The following CLU variants were observed in gnomAD, a reference collection of about 807,000 sequenced individuals.
CLU encodes clusterin, also known as aging-associated protein 4.
A neutral mutation model predicts 46.4 loss-of-function variants in CLU; 25 were observed. The ratio of observed to expected loss-of-function variants is 0.54; its 90% CI spans 0.39 to 0.75. The LOEUF is 0.75. Among genes scored for constraint, CLU ranks in the 30% least tolerant of loss-of-function variants. CLU has a pLI of 0.00. For missense variants in CLU, 504 were observed against 592.1 expected, an observed-to-expected ratio of 0.85 and a Z score of 1.54; for synonymous variants, 235 against 235.1, an observed-to-expected ratio of 1.00 and a Z score of 0.00.
At chr8:27,604,200 T>G in intron 6 of CLU, 91 bp downstream of exon 6, 1 of 1,002,142 alleles carries the variant, frequency 1.0e-6, no homozygotes. Context: ...CTTATCTGTC[T>G]GACTCCATAA....
At chr8:27,612,059 C>T (rs1800939588) in intron 1 of CLU, 3 of 330,686 alleles carry the variant, frequency 9.1e-6, no homozygotes, top group South Asian at 2.6e-5. Context: ...AGGCAAGATA[C>T]AGGAAAGGAA....
Position 27,597,471 on chromosome 8 carries a change from C to T in CLU, c.*770G>A, listed in dbSNP as rs1238744484. On this transcript the variant is annotated 3_prime_UTR_variant, in exon 9 of 9. Coordinates refer to ENST00000316403, the MANE Select transcript of CLU (RefSeq NM_001831.4). ...CAGTCAAGAAGATGCCCCTGGGATG[C>T]TGAGCTCTTACAACTCGAAATCAAC... 1 of 454,368 alleles carries T rather than the reference C, an allele frequency of 2.2e-6. No homozygotes were observed. The highest frequency in any genetic ancestry group is 1.6e-5 in the South Asian group (1 of 64,478). The allele number at this position is 454,368 out of a possible 1,614,324, so 28.1% of individuals were successfully genotyped here.
intron 4 of CLU, among the ~76,000 whole-genome samples, 155 bp downstream of exon 4, chr8:27,606,199 T>C (rs778857709): frequency 6.6e-6 from 1 of 152,212 alleles, no homozygotes; most frequent in Non-Finnish European, 1.5e-5. Flanking sequence ...CTCCACTCTC[T>C]CTACTCATGC....
Position 27,599,511 on chromosome 8 carries a change from G to A in CLU, c.1164+269C>T. ...ACAACAACAACAAAATACAGGCTTG[G>A]CAGCCAGGCAGTCAGGTTCAAATAC... is the stretch of plus-strand genomic sequence containing the variant. On this transcript the variant is annotated intron_variant, in intron 7 of 8. Transcript: ENST00000316403. The surrounding 1 kb of genome is among the most constrained non-coding windows in gnomAD (Gnocchi z 4.0). 2.0e-6 allele frequency: 1 copy of A among 488,758 alleles called. No individual in the cohort carries two copies. Among genetic ancestry groups the A allele is most frequent in the Non-Finnish European group, 3.7e-6 (1 of 268,668 alleles). 30.3% of individuals were successfully genotyped at this position (488,758 alleles called of 1,614,324 possible).
At chr8:27,614,257 C>T (rs1800976087) in intron 1 of CLU, 2 of 157,424 alleles carry the variant, frequency 1.3e-5, no homozygotes, top group African/African-American at 4.8e-5. Context: ...ACTGAGAGAT[C>T]CGCATCTTCG....
At chr8:27,609,918 A>C (rs566083325) in intron 2 of CLU, among the ~76,000 whole-genome samples, 2 of 152,286 alleles carry the variant, frequency 1.3e-5, no homozygotes, top group East Asian at 3.9e-4. Flanking sequence ...ACATCACGTC[A>C]TATACCTTAA....
intron 2 of CLU, among the ~76,000 whole-genome samples, chr8:27,609,823 A>G (rs1262245961): frequency 6.6e-6 from 1 of 152,248 alleles, no homozygotes; most frequent in African/African-American, 2.4e-5. Context: ...TCATAACTGG[A>G]AATTTGCTAA....
chr8:27,599,970 C>T lies in CLU; in HGVS notation c.974G>A (p.Arg325Gln), dbSNP rs143708004. 2.2e-5 allele frequency: 36 copies of T among 1,614,062 alleles called. No individual in the cohort carries two copies. The highest frequency in any genetic ancestry group is 2.2e-5 in the East Asian group (1 of 44,892). Residue 325 changes from arginine (R) to glutamine (Q), a missense_variant, in exon 7 of 9, where the codon CGG becomes CAG. Arg to Gln is a conservative substitution (Grantham distance 43). Transcript: ENST00000316403. The surrounding 1 kb of genome is among the most constrained non-coding windows in gnomAD (Gnocchi z 4.0). ...GACCTGGAGGGATTCGTCGAGCTCC[C>T]GCCGCAGCTTAGCCTGGGAGGGGTT... ...TNNPSQAKLRRELDESLQVAE... is the reference protein window; with the variant it reads ...TNNPSQAKLRQELDESLQVAE...
chr8:27,599,605 G>A lies in CLU; in HGVS notation c.1164+175C>T. ...GGAACCTCTCTTACTTTGCTCCTTTGTAAAGCAGGGTTATATTTTCCCTGA... is the reference window on the plus strand; with the variant it reads ...GGAACCTCTCTTACTTTGCTCCTTTATAAAGCAGGGTTATATTTTCCCTGA... On this transcript the variant is annotated intron_variant, in intron 7 of 8. Coordinates refer to ENST00000316403, the MANE Select transcript of CLU (RefSeq NM_001831.4). The surrounding 1 kb of genome is among the most constrained non-coding windows in gnomAD (Gnocchi z 4.0). 2 of 611,830 alleles carry A rather than the reference G, an allele frequency of 3.3e-6. No individual in the cohort carries two copies. The highest frequency in any genetic ancestry group is 1.9e-5 in the South Asian group (1 of 52,166). The allele number at this position is 611,830 out of a possible 1,614,324, so 37.9% of individuals were successfully genotyped here.
rs1390112562 is a variant in CLU at position 27,609,062 on chromosome 8, T to C, written c.122A>G (p.Tyr41Cys). 6.2e-7 allele frequency: 1 copy of C among 1,614,134 alleles called. No individual in the cohort carries two copies. Among genetic ancestry groups the C allele is most frequent in the Admixed American group, 1.7e-5 (1 of 60,036 alleles). ...AGCATTTTGAATTTCCTTATTGACG[T>C]ACTTACTTCCCTGATTGGACATTTC... Reference protein sequence around the residue: ...LQEMSNQGSKYVNKEIQNAVN... With the variant: ...LQEMSNQGSKCVNKEIQNAVN... The change falls in exon 3 of 9, where the codon TAC (tyrosine) becomes TGC (cysteine). Residue 41 changes from tyrosine to cysteine, a missense_variant. Physicochemically the swap from Tyr to Cys is radical, Grantham distance 194. Around this residue, in one of 3 missense-constraint regions of CLU, gnomAD observed 73 missense variants for 91.2 expected, o/e 0.80. Coordinates refer to ENST00000316403, the MANE Select transcript of CLU (RefSeq NM_001831.4).
In CLU at chr8:27,604,773, C is replaced by T. The variant is rs542755585; in HGVS notation, c.829+151G>A. 7.9e-4 allele frequency: 755 copies of T among 950,246 alleles called. 1 individual carries two copies. Among genetic ancestry groups the T allele is most frequent in the Non-Finnish European group, 8.3e-4 (517 of 620,168 alleles). 58.9% of individuals were successfully genotyped at this position (950,246 alleles called of 1,614,324 possible). On this transcript the variant is annotated intron_variant, in intron 5 of 8. Transcript: ENST00000316403. The stretch of plus-strand genomic sequence containing the variant: ...GCATCACAGGCATGAGCCACCATGC[C>T]CAGCTCAGTTTTTTTCCTCTTTAAA...
Position 27,604,824 on chromosome 8 carries a change from T to C in CLU, c.829+100A>G, listed in dbSNP as rs530790235. ...TAAGGATAATATCACCCTTGTGATA[T>C]TGCTGGAGAAAAATCGAGATGACAC... On this transcript the variant is annotated intron_variant, in intron 5 of 8. Transcript: ENST00000316403. 116 of 1,345,288 alleles carry C rather than the reference T, an allele frequency of 8.6e-5. 1 individual carries two copies. The East Asian group carries it at 2.5e-3, about 29-fold the overall frequency. The allele number at this position is 1,345,288 out of a possible 1,614,324, so 83.3% of individuals were successfully genotyped here.
At chr8:27,608,850 G>T in intron 3 of CLU, 88 bp downstream of exon 3, 4 of 1,459,386 alleles carry the variant, frequency 2.7e-6, no homozygotes, top group Non-Finnish European at 2.9e-6. Context: ...GGTCACCATG[G>T]CAACCCAGCA....
At position 27,605,026 on chromosome 8, in the gene CLU, T is replaced by C. The variant is rs1375980805; in HGVS notation, c.727A>G (p.Met243Val). 13 of 1,613,978 alleles carry C rather than the reference T, an allele frequency of 8.1e-6. 1 individual carries two copies. In the South Asian group the frequency reaches 1.4e-4, roughly 18 times the overall value. ...ATCATCTCAAGGAAGGGCTGGAACA[T>C]GGCGTGGAAGTTCAGGGGCTCGTAC... is the stretch of plus-strand genomic sequence containing the variant. ...SPYEPLNFHA[M>V]FQPFLEMIHE... Residue 243 changes from methionine to valine, a missense_variant, in exon 5 of 9, where the codon ATG becomes GTG. Transcript: ENST00000316403.
At chr8:27,612,219 C>A (rs1358019325) in intron 1 of CLU, among the ~76,000 whole-genome samples, 1 of 152,172 alleles carries the variant, frequency 6.6e-6, no homozygotes, top group African/African-American at 2.4e-5. Context: ...GCATGGGACT[C>A]CCTAGAGTCC....
intron 7 of CLU, chr8:27,598,851 A>T (rs1004370751): frequency 1.7e-6 from 1 of 591,912 alleles, no homozygotes; most frequent in Non-Finnish European, 3.0e-6. Flanking sequence ...GGCAAATGTC[A>T]TCTGCAAATG....
Position 27,605,014 on chromosome 8 carries a change from A to T in CLU, c.739T>A (p.Phe247Ile). 1 of 1,614,096 alleles carries T rather than the reference A, an allele frequency of 6.2e-7. No homozygotes were observed. Among genetic ancestry groups the T allele is most frequent in the Non-Finnish European group, 8.5e-7 (1 of 1,180,012 alleles). The change falls in exon 5 of 9, where the codon TTC becomes ATC. Residue 247 changes from phenylalanine to isoleucine, a missense_variant. Coordinates refer to ENST00000316403, the MANE Select transcript of CLU (RefSeq NM_001831.4). ...TGAGCCTCGTGTATCATCTCAAGGA[A>T]GGGCTGGAACATGGCGTGGAAGTTC... is the stretch of plus-strand genomic sequence containing the variant. Reference protein sequence around the residue: ...PLNFHAMFQPFLEMIHEAQQA... With the variant: ...PLNFHAMFQPILEMIHEAQQA...
rs1415210091 is a variant in CLU at position 27,599,987 on chromosome 8, G to A, written c.957C>T (p.Ser319=). 3 of 1,614,072 alleles carry A rather than the reference G, an allele frequency of 1.9e-6. No individual in the cohort carries two copies. Among genetic ancestry groups the A allele is most frequent in the Non-Finnish European group, 2.5e-6 (3 of 1,180,036 alleles). ...LSVDCSTNNP[S]QAKLRRELDE... ...CGAGCTCCCGCCGCAGCTTAGCCTG[G>A]GAGGGGTTGTTGGTGGAACAGTCTG... is the stretch of plus-strand genomic sequence containing the variant. Residue 319 remains serine, a synonymous_variant, in exon 7 of 9, where the codon TCC becomes TCT. Transcript: ENST00000316403. The surrounding 1 kb of genome is among the most constrained non-coding windows in gnomAD (Gnocchi z 4.0).
chr8:27,606,776 C>A lies in CLU; in HGVS notation c.247-252G>T, dbSNP rs9331904. On this transcript the variant is annotated intron_variant, in intron 3 of 8. Transcript: ENST00000316403. ...TGTTCCCTAACTCCTAGAAGCTTCCCAACTCCTGGAACCCATGTGGACACC... is the reference window on the plus strand; with the variant it reads ...TGTTCCCTAACTCCTAGAAGCTTCCAAACTCCTGGAACCCATGTGGACACC... 3.5e-3 allele frequency among the ~76,000 whole-genome samples: 532 copies of A among 152,358 alleles called. 3 individuals carry two copies. Among genetic ancestry groups the A allele is most frequent in the African/African-American group, 0.012 (506 of 41,586 alleles).
Sources: gnomAD v4.1 joint callset for allele counts (sites outside exome capture counted in the v4.1 genomes callset) on GRCh38, gnomAD v4.1.1 for gene constraint, gnomAD v4.1.1 regional missense constraint, Gnocchi (gnomAD v3.1) non-coding constraint, MANE v1.5 for transcripts, NCBI Gene and HGNC (gene_info 2026-07-23, HGNC 2026-07-21) for gene names.